The following XAF1 variants were observed in gnomAD, a reference collection of about 807,000 sequenced individuals.
The protein encoded by XAF1 is XIAP-associated factor 1.
A neutral mutation model predicts 32.3 loss-of-function variants in XAF1; 32 were observed. The observed-to-expected ratio is 0.99, with a 90% CI of 0.75 to 1.33. XAF1 has a LOEUF of 1.33. Among genes scored for constraint, XAF1 ranks in the 40% most tolerant of loss-of-function variants. The probability of loss-of-function intolerance (pLI) is 0.00; values close to 1 mark genes in which losing one functional copy is unlikely to be tolerated. For synonymous variants in XAF1, 120 were observed against 125.9 expected, an observed-to-expected ratio of 0.95 and a Z score of 0.31; for missense variants, 379 against 366.0, an observed-to-expected ratio of 1.04 and a Z score of -0.29.
intron 5 of XAF1, among the ~76,000 whole-genome samples, chr17:6,769,531 T>C (rs145006960): frequency 5.2e-4 from 79 of 152,342 alleles, no homozygotes; most frequent in African/African-American, 1.8e-3. Flanking sequence ...CTCTATCCTA[T>C]AGTTGCATTA....
chr17:6,768,296 GTAT>G (rs1975770655), intron 5 of XAF1, among the ~76,000 whole-genome samples: 1 of 151,974 alleles, frequency 6.6e-6, no homozygotes, highest in African/African-American at 2.4e-5. Flanking sequence ...GCTAATTTTT[GTAT>G]TTTTAGTAGA....
rs764861605 is a variant in XAF1, at chr17:6,770,755, A to T, written c.620A>T (p.Glu207Val). 2 of 1,614,050 alleles carry T rather than the reference A, an allele frequency of 1.2e-6. No individual in the cohort carries two copies. Among genetic ancestry groups the T allele is most frequent in the African/African-American group, 2.7e-5 (2 of 75,046 alleles). The change falls in exon 6 of 7, where the codon GAG becomes GTG. Residue 207 changes from glutamate to valine, a missense_variant. Coordinates refer to ENST00000361842, the MANE Select transcript of XAF1 (RefSeq NM_017523.5). The part of the protein sequence containing the change: ...QAAENQTSTM[E>V]KDVRPKTRSI... ...GCTGAAAATCAAACTTCCACGATGG[A>T]GAAAGATGTTCGTCCAAAGACAAGA...
At chr17:6,757,160 C>A (rs953186771) in intron 1 of XAF1, among the ~76,000 whole-genome samples, 2 of 152,126 alleles carry the variant, frequency 1.3e-5, no homozygotes, top group Non-Finnish European at 2.9e-5. Flanking sequence ...CACCGCCATG[C>A]CCGGCTAATT....
chr17:6,770,708 T>G lies in XAF1; in HGVS notation c.573T>G (p.Pro191=), dbSNP rs1223529676. 3.1e-6 allele frequency: 5 copies of G among 1,612,334 alleles called. No homozygotes were observed. The Admixed American group carries it at 8.4e-5, about 27-fold the overall frequency. Residue 191 remains proline (P), a synonymous_variant, in exon 6 of 7, where the codon CCT becomes CCG. Coordinates refer to ENST00000361842, the MANE Select transcript of XAF1 (RefSeq NM_017523.5). The part of the protein sequence containing the change: ...HFPVGNPEIL[P]SSLPSQAAEN... Reference sequence around the variant, plus strand: ...CTGTTGGAAATCCAGAAATTCTTCCTTCATCTCTTCCAAGTCAAGCTGCTG... The same window carrying G: ...CTGTTGGAAATCCAGAAATTCTTCCGTCATCTCTTCCAAGTCAAGCTGCTG...
intron 5 of XAF1, among the ~76,000 whole-genome samples, chr17:6,769,427 C>G (rs1975856181): frequency 6.6e-6 from 1 of 152,140 alleles, no homozygotes; most frequent in African/African-American, 2.4e-5. Context: ...TTGTTAATTA[C>G]AAATTAGAAA....
At chr17:6,769,851 A>G (rs1533031) in intron 5 of XAF1, among the ~76,000 whole-genome samples, 71,722 of 152,046 alleles carry the variant, frequency 0.47, 18,283 homozygotes, top group African/African-American at 0.68. Flanking sequence ...TTTCAGGGGC[A>G]TAAGTTTTCA....
intron 6 of XAF1, chr17:6,771,234 C>T: frequency 4.8e-6 from 2 of 413,290 alleles, no homozygotes; most frequent in South Asian, 8.1e-5. Context: ...GGTCCCTCTT[C>T]TCTGTGTCTC....
chr17:6,770,428 T>C (rs2151558773), intron 5 of XAF1, among the ~76,000 whole-genome samples: 1 of 152,282 alleles, frequency 6.6e-6, no homozygotes, highest in Middle Eastern at 3.4e-3. Context: ...AGGAGACACA[T>C]TCAAACCATA....
In XAF1 at chr17:6,764,051, G is replaced by A. The variant is rs568094393; in HGVS notation, c.507+1811G>A. On this transcript the variant is annotated intron_variant, in intron 5 of 6. Transcript: ENST00000361842. ...CTACACACTTATTTGAAGGCTACAG[G>A]GAAGTGGGGAGCTCCAATACACATG... Among the ~76,000 whole-genome samples the A allele has an allele frequency of 1.6e-4, 24 of 152,298 alleles. No homozygotes were observed. In the East Asian group the frequency reaches 4.6e-3, roughly 29 times the overall value.
At chr17:6,761,370 T>C (rs776345660) in intron 4 of XAF1, among the ~76,000 whole-genome samples, 3 of 152,212 alleles carry the variant, frequency 2.0e-5, no homozygotes, top group Non-Finnish European at 2.9e-5. Flanking sequence ...TTATCAACAA[T>C]GGCCAGAAGG....
intron 4 of XAF1, chr17:6,761,650 T>C (rs1975212600): frequency 2.8e-6 from 1 of 361,712 alleles, no homozygotes; most frequent in South Asian, 2.7e-5. Context: ...GTGAGAGTCA[T>C]GTATATTTCC....
intron 2 of XAF1, chr17:6,759,368 G>A: frequency 7.4e-7 from 1 of 1,355,110 alleles, no homozygotes; most frequent in Non-Finnish European, 9.5e-7. Flanking sequence ...GCAGTCAGAT[G>A]GAGCCCTGTT....
rs1461812993 is a variant in XAF1 at position 6,756,285 on chromosome 17, G to A, written c.32+175G>A. 5 of 1,351,076 alleles carry A rather than the reference G, an allele frequency of 3.7e-6. No individual in the cohort carries two copies. In the African/African-American group the frequency reaches 7.4e-5, roughly 20 times the overall value. The allele number at this position is 1,351,076 out of a possible 1,614,324, so 83.7% of individuals were successfully genotyped here. A position where few individuals can be genotyped will look rare whatever the true frequency, so the allele number is the denominator to read the frequency against. ...GGAGGGTTTAAACTTGGTAATCTCT[G>A]GGTGGGGGTGGGCAGCATTACCTCC... On this transcript the variant is annotated intron_variant, in intron 1 of 6. Transcript: ENST00000361842.
chr17:6,766,567 T>C (rs1015363767), intron 5 of XAF1, among the ~76,000 whole-genome samples: 1 of 152,256 alleles, frequency 6.6e-6, no homozygotes, highest in Non-Finnish European at 1.5e-5. Context: ...TTCCAATGTA[T>C]TGATTTCACT....
chr17:6,764,972 T>G (rs948411035), intron 5 of XAF1, among the ~76,000 whole-genome samples: 4 of 152,178 alleles, frequency 2.6e-5, no homozygotes, highest in African/African-American at 9.7e-5. Flanking sequence ...GTACCACACT[T>G]TCCTGGTTTT....
At chr17:6,764,221 A>G (rs1975426507) in intron 5 of XAF1, among the ~76,000 whole-genome samples, 1 of 152,154 alleles carries the variant, frequency 6.6e-6, no homozygotes, top group Admixed American at 6.5e-5. Flanking sequence ...GACATCCACA[A>G]CCAGCCAACA....
At chr17:6,757,257 C>G (rs1974762333) in intron 1 of XAF1, 1 of 152,382 alleles carries the variant, frequency 6.6e-6, no homozygotes, top group Non-Finnish European at 1.5e-5. Context: ...CCCGCCTCGG[C>G]CTCCCAAAGT....
rs566649983 is a variant in XAF1, at chr17:6,758,470, T to C, written c.168+246T>C. 125 of 572,970 alleles carry C rather than the reference T, an allele frequency of 2.2e-4. 1 individual carries two copies. The highest frequency in any genetic ancestry group is 1.4e-3 in the Admixed American group (47 of 33,122). 35.5% of individuals were successfully genotyped at this position (572,970 alleles called of 1,614,324 possible). On this transcript the variant is annotated intron_variant, in intron 2 of 6. Transcript: ENST00000361842. ...TCTGAGAGTCAAGGCAAGTGTTCAGTCCTCTCTGCAGGTGAGATGGGGTCT... is the reference window on the plus strand; with the variant it reads ...TCTGAGAGTCAAGGCAAGTGTTCAGCCCTCTCTGCAGGTGAGATGGGGTCT...
At chr17:6,768,053 G>A (rs1011039158) in intron 5 of XAF1, among the ~76,000 whole-genome samples, 1 of 151,082 alleles carries the variant, frequency 6.6e-6, no homozygotes, top group Non-Finnish European at 1.5e-5. Flanking sequence ...ACTGATTATT[G>A]TTGTTATTTA....
Sources: gnomAD v4.1 joint callset for allele counts (sites outside exome capture counted in the v4.1 genomes callset) on GRCh38, gnomAD v4.1.1 for gene constraint, MANE v1.5 for transcripts, NCBI Gene and HGNC (gene_info 2026-07-23, HGNC 2026-07-21) for gene names.